Variants in DNAJB14 observed in about 807,000 individuals in gnomAD.
The protein encoded by DNAJB14 is dnaJ homolog subfamily B member 14.
A neutral mutation model predicts 48.4 loss-of-function variants in DNAJB14; 22 were observed. That is an observed-to-expected ratio of 0.45 (90% CI 0.32 to 0.65). The LOEUF is 0.65. Ranked by LOEUF, DNAJB14 falls within the 30% of genes least tolerant of loss-of-function variation. The pLI is 0.03. For synonymous variants in DNAJB14, 142 were observed against 158.7 expected (o/e 0.89, Z 0.79); for missense variants, 319 against 458.8 (o/e 0.70, Z 2.78).
At chr4:99,906,072 G>C (rs897610683) in intron 5 of DNAJB14, 28 of 1,316,728 alleles carry the variant, frequency 2.1e-5, no homozygotes, top group Non-Finnish European at 2.7e-5. Flanking sequence ...GAGCTGATGA[G>C]TGGCAAAGCT....
chr4:99,930,629 AAGAT>A lies in DNAJB14; in HGVS notation c.134-12_134-9del, dbSNP rs1189363102. On this transcript the variant is annotated splice_polypyrimidine_tract_variant and intron_variant, in intron 1 of 7. Coordinates refer to ENST00000442697, the MANE Select transcript of DNAJB14 (RefSeq NM_001031723.4). ...TAATTATTTCCAATAGTGCTGTAGAAAGATAAAGTACACTATGCCTGTTTACATC... is the reference window on the plus strand; with the variant it reads ...TAATTATTTCCAATAGTGCTGTAGAAAAAGTACACTATGCCTGTTTACATC... 6.2e-7 allele frequency: 1 copy of A among 1,606,710 alleles called. No homozygotes were observed. Among genetic ancestry groups the A allele is most frequent in the Non-Finnish European group, 8.5e-7 (1 of 1,176,416 alleles).
At chr4:99,923,787 T>C (rs892951030) in intron 2 of DNAJB14, 5 of 969,318 alleles carry the variant, frequency 5.2e-6, no homozygotes, top group Non-Finnish European at 4.9e-6. Context: ...GATCCTCCCA[T>C]CTCAGCCTTC....
intron 1 of DNAJB14, among the ~76,000 whole-genome samples, chr4:99,945,001 C>G (rs1048322396): frequency 1.3e-5 from 2 of 152,138 alleles, no homozygotes; most frequent in Non-Finnish European, 1.5e-5. Context: ...TCTGAGGTAA[C>G]TAAAGTAGTT....
At chr4:99,905,910 T>A (rs1725447936) in intron 5 of DNAJB14, 2 of 1,322,822 alleles carry the variant, frequency 1.5e-6, no homozygotes, top group Admixed American at 6.0e-5. Flanking sequence ...TGAAAAACAC[T>A]GATAAAATTT....
At position 99,946,515 on chromosome 4, in the gene DNAJB14, C is replaced by A. The variant is rs915135787; in HGVS notation, c.57G>T (p.Leu19=). 1 of 1,613,824 alleles carries A rather than the reference C, an allele frequency of 6.2e-7. No individual in the cohort carries two copies. Among genetic ancestry groups the A allele is most frequent in the Non-Finnish European group, 8.5e-7 (1 of 1,179,842 alleles). Reference sequence around the variant, plus strand: ...GGGCCTTCTCGCGGTTGCCGGCGTTCAGGGCCTCCCGGGCGATCTCGACAC... The same window carrying A: ...GGGCCTTCTCGCGGTTGCCGGCGTTAAGGGCCTCCCGGGCGATCTCGACAC... ...EKCVEIAREA[L]NAGNREKAQR... The change falls in exon 1 of 8, where the codon CTG becomes CTT. Residue 19 remains leucine (L), a synonymous_variant. Transcript: ENST00000442697.
At chr4:99,944,400 A>G (rs1382809730) in intron 1 of DNAJB14, among the ~76,000 whole-genome samples, 2 of 152,190 alleles carry the variant, frequency 1.3e-5, no homozygotes, top group African/African-American at 4.8e-5. Flanking sequence ...TTGGTATCCA[A>G]AATAATTGAA....
At chr4:99,901,268 A>C in intron 7 of DNAJB14, 116 bp from the exon 8 acceptor site, 1 of 999,844 alleles carries the variant, frequency 1.0e-6, no homozygotes, top group Middle Eastern at 3.4e-4. Flanking sequence ...CTGACTTAAA[A>C]AAAATCAAAG....
chr4:99,900,681 A>G lies in DNAJB14; in HGVS notation c.*347T>C, dbSNP rs1725268013. ...AAAAAGCAGTAACCTGTATGTACAC[A>G]AAATGATCATTCCATAAATATTTAC... On this transcript the variant is annotated 3_prime_UTR_variant, in exon 8 of 8. Coordinates refer to ENST00000442697, the MANE Select transcript of DNAJB14 (RefSeq NM_001031723.4). The G allele has an allele frequency of 5.9e-6, 1 of 170,012 alleles. No homozygotes were observed. The highest frequency in any genetic ancestry group is 1.8e-4 in the South Asian group (1 of 5,642). The allele number at this position is 170,012 out of a possible 1,614,324, so 10.5% of individuals were successfully genotyped here.
intron 2 of DNAJB14, chr4:99,923,548 T>C (rs1292670934): frequency 8.0e-6 from 4 of 500,552 alleles, no homozygotes; most frequent in Non-Finnish European, 1.0e-5. Flanking sequence ...GATAAATAAA[T>C]TCCAAAACTC....
chr4:99,934,688 G>A (rs1038172541), intron 1 of DNAJB14, among the ~76,000 whole-genome samples: 4 of 149,524 alleles, frequency 2.7e-5, no homozygotes, highest in African/African-American at 9.8e-5. Flanking sequence ...AGCTACCCGG[G>A]AGGCTGAGGT....
chr4:99,944,983 T>TCTAC (rs1267363851), intron 1 of DNAJB14, among the ~76,000 whole-genome samples: 1 of 152,230 alleles, frequency 6.6e-6, no homozygotes, highest in Non-Finnish European at 1.5e-5. Context: ...ACTGCATGAA[T>TCTAC]CTACCTATCT....
intron 1 of DNAJB14, among the ~76,000 whole-genome samples, chr4:99,935,367 A>G (rs560976930): frequency 2.6e-5 from 4 of 152,314 alleles, no homozygotes; most frequent in Non-Finnish European, 5.9e-5. Flanking sequence ...CTATCCACCA[A>G]AATAACTTCA....
chr4:99,946,250 C>T (rs1430309182), intron 1 of DNAJB14, among the ~76,000 whole-genome samples, 189 bp downstream of exon 1: 2 of 152,172 alleles, frequency 1.3e-5, no homozygotes, highest in East Asian at 1.9e-4. Flanking sequence ...CCCCGAGCCC[C>T]AGCCCGGAGC....
At chr4:99,922,175 A>G (rs994486511) in intron 3 of DNAJB14, among the ~76,000 whole-genome samples, 1 of 152,192 alleles carries the variant, frequency 6.6e-6, no homozygotes, top group Non-Finnish European at 1.5e-5. Context: ...TTCCTTGGCA[A>G]CTTCCTTCAA....
intron 1 of DNAJB14, among the ~76,000 whole-genome samples, chr4:99,943,220 T>G (rs922018606): frequency 1.3e-5 from 2 of 151,902 alleles, no homozygotes; most frequent in Admixed American, 1.3e-4. Context: ...GAAAAAGGAG[T>G]CAGAGAAAAC....
intron 4 of DNAJB14, among the ~76,000 whole-genome samples, chr4:99,907,409 C>T (rs140810074): frequency 2.2e-4 from 34 of 152,198 alleles, no homozygotes; most frequent in African/African-American, 7.7e-4. Flanking sequence ...GGTGGCTCAC[C>T]TCTGTAATCC....
intron 2 of DNAJB14, chr4:99,928,550 A>G: frequency 2.3e-6 from 1 of 442,078 alleles, no homozygotes; most frequent in Non-Finnish European, 4.6e-6. Flanking sequence ...ACCAGAACAA[A>G]GAGGCATCAA....
chr4:99,915,226 C>G lies in DNAJB14; in HGVS notation c.452-6330G>C, dbSNP rs563339132. Among the ~76,000 whole-genome samples, 3 of 152,310 alleles carry G rather than the reference C, an allele frequency of 2.0e-5. No homozygotes were observed. The East Asian group carries it at 5.8e-4, about 29-fold the overall frequency. Reference sequence around the variant, plus strand: ...TTAGTTAGTTCACTGCGAGCTCCGCCTCCCAGGTTCATGCCATTCTCCTGC... The same window carrying G: ...TTAGTTAGTTCACTGCGAGCTCCGCGTCCCAGGTTCATGCCATTCTCCTGC... On this transcript the variant is annotated intron_variant, in intron 3 of 7. Coordinates refer to ENST00000442697, the MANE Select transcript of DNAJB14 (RefSeq NM_001031723.4).
chr4:99,909,999 A>G (rs1455968248), intron 3 of DNAJB14, among the ~76,000 whole-genome samples: 1 of 152,078 alleles, frequency 6.6e-6, no homozygotes, highest in African/African-American at 2.4e-5. Context: ...GCAATACAGA[A>G]TATTTTAAAA....
Sources: gnomAD v4.1 joint callset for allele counts (sites outside exome capture counted in the v4.1 genomes callset) on GRCh38, gnomAD v4.1.1 for gene constraint, MANE v1.5 for transcripts, NCBI Gene and HGNC (gene_info 2026-07-23, HGNC 2026-07-21) for gene names.